MINPP1: variants seen among roughly 807,000 people sequenced by gnomAD.
The protein encoded by MINPP1 is multiple inositol polyphosphate phosphatase 1.
In MINPP1, 28 loss-of-function variants were observed where a neutral mutation model predicts 46.1. The observed-to-expected ratio is 0.61, with a 90% CI of 0.45 to 0.83. The LOEUF (loss-of-function observed/expected upper bound fraction) is 0.83, where lower values mean the gene tolerates loss of function less well. MINPP1 is among the 40% of genes least tolerant of loss of function. MINPP1 has a pLI of 0.00. For synonymous variants in MINPP1, 268 were observed against 249.1 expected (o/e 1.08, Z -0.72); for missense variants, 603 against 610.0 (o/e 0.99, Z 0.12).
rs1851262826 is a variant in MINPP1 at position 87,507,069 on chromosome 10, T to C, written c.638-1267T>C. On this transcript the variant is annotated intron_variant, in intron 1 of 4. Coordinates refer to ENST00000371996, the MANE Select transcript of MINPP1 (RefSeq NM_004897.5). ...GTGAATTTTTGTTCTCAGATGGCATTGCGAAGACTGGCATTTGACTCTCAG... is the reference window on the plus strand; with the variant it reads ...GTGAATTTTTGTTCTCAGATGGCATCGCGAAGACTGGCATTTGACTCTCAG... Among the ~76,000 whole-genome samples, 3 of 152,340 alleles carry C rather than the reference T, an allele frequency of 2.0e-5. No homozygotes were observed. In the South Asian group the frequency reaches 6.2e-4, roughly 32 times the overall value.
At chr10:87,538,479 G>C (rs909751057) in intron 4 of MINPP1, among the ~76,000 whole-genome samples, 2 of 152,162 alleles carry the variant, frequency 1.3e-5, no homozygotes, top group African/African-American at 4.8e-5. Context: ...GTACTTTAAG[G>C]TAGGACAGTA....
chr10:87,539,334 T>G (rs1362580945), intron 4 of MINPP1, among the ~76,000 whole-genome samples: 1 of 152,218 alleles, frequency 6.6e-6, no homozygotes, highest in Non-Finnish European at 1.5e-5. Context: ...AATGCATTTT[T>G]ATCAAGGAGA....
intron 4 of MINPP1, among the ~76,000 whole-genome samples, chr10:87,548,429 A>G (rs1744722405): frequency 6.6e-6 from 1 of 152,178 alleles, no homozygotes; most frequent in Non-Finnish European, 1.5e-5. Flanking sequence ...TCTTTTGAAA[A>G]GTCTCTTCTT....
intron 4 of MINPP1, among the ~76,000 whole-genome samples, chr10:87,531,416 T>C (rs764855491): frequency 1.3e-5 from 2 of 152,236 alleles, no homozygotes; most frequent in Non-Finnish European, 2.9e-5. Flanking sequence ...ACTCCATTTT[T>C]GGTAGCTAGT....
rs150025134 is a variant in MINPP1 at position 87,506,070 on chromosome 10, C to T, written c.637+518C>T. 5.4e-5 allele frequency among the ~76,000 whole-genome samples: 8 copies of T among 149,146 alleles called. No homozygotes were observed. The East Asian group carries it at 1.4e-3, about 26-fold the overall frequency. ...ATCTTTTTCAGATGACAGTTTTAGA[C>T]CTACACCCTGTTTTAGGAACCTGAT... On this transcript the variant is annotated intron_variant, in intron 1 of 4. Transcript: ENST00000371996.
chr10:87,507,853 T>C, intron 1 of MINPP1: 1 of 1,060,590 alleles, frequency 9.4e-7, no homozygotes, highest in East Asian at 7.9e-5. Context: ...CTGCTGTCAG[T>C]AGTTTTTGTC....
chr10:87,511,602 G>A lies in MINPP1; in HGVS notation c.836-1522G>A, dbSNP rs187191987. Among the ~76,000 whole-genome samples the A allele has an allele frequency of 5.9e-5, 9 of 152,314 alleles. No individual in the cohort carries two copies. The East Asian group carries it at 1.7e-3, about 29-fold the overall frequency. Reference sequence around the variant, plus strand: ...TGTATCTAACCTCTTTACTTTGTAAGTGGGGAAATTGACACTAAAGAGAGC... The same window carrying A: ...TGTATCTAACCTCTTTACTTTGTAAATGGGGAAATTGACACTAAAGAGAGC... On this transcript the variant is annotated intron_variant, in intron 2 of 4. Coordinates refer to ENST00000371996, the MANE Select transcript of MINPP1 (RefSeq NM_004897.5).
At chr10:87,506,209 A>G (rs948999751) in intron 1 of MINPP1, among the ~76,000 whole-genome samples, 2 of 150,754 alleles carry the variant, frequency 1.3e-5, no homozygotes, top group Non-Finnish European at 3.0e-5. Flanking sequence ...CATTTATTCC[A>G]TTAATTACAC....
At position 87,521,035 on chromosome 10, in the gene MINPP1, G is replaced by T; in HGVS notation, c.934-1G>T. ...TAGAAATTATTTTTGAATTTTTTTA[G>T]GTATTAGAATATTTAAATGATCTGA... On this transcript the variant is annotated splice_acceptor_variant, in intron 3 of 4. Coordinates refer to ENST00000371996, the MANE Select transcript of MINPP1 (RefSeq NM_004897.5). LOFTEE classifies it high-confidence loss of function. 1 of 980,028 alleles carries T rather than the reference G, an allele frequency of 1.0e-6. No individual in the cohort carries two copies. Among genetic ancestry groups the T allele is most frequent in the Non-Finnish European group, 1.6e-6 (1 of 626,790 alleles). The allele number at this position is 980,028 out of a possible 1,614,324, so 60.7% of individuals were successfully genotyped here. A position where few individuals can be genotyped will look rare whatever the true frequency, so the allele number is the denominator to read the frequency against.
At chr10:87,538,192 T>C (rs1231045521) in intron 4 of MINPP1, among the ~76,000 whole-genome samples, 1 of 151,946 alleles carries the variant, frequency 6.6e-6, no homozygotes, top group Non-Finnish European at 1.5e-5. Context: ...TGCTGTTCAG[T>C]GCCAGCTGAA....
chr10:87,543,412 T>C (rs1851843819), intron 4 of MINPP1, among the ~76,000 whole-genome samples: 1 of 152,110 alleles, frequency 6.6e-6, no homozygotes, highest in South Asian at 2.1e-4. Context: ...TCCAGAACTT[T>C]GGGAGGTCAA....
chr10:87,551,090 G>A (rs966946683), intron 4 of MINPP1, among the ~76,000 whole-genome samples: 5 of 152,070 alleles, frequency 3.3e-5, no homozygotes, highest in African/African-American at 1.2e-4. Flanking sequence ...GAGGTTGGAT[G>A]CTACTTGGAG....
chr10:87,513,096 A>G (rs1417529283), intron 2 of MINPP1, 28 bp from the exon 3 acceptor site: 6 of 1,571,946 alleles, frequency 3.8e-6, no homozygotes, highest in Non-Finnish European at 5.3e-6. Context: ...ATAATGACCC[A>G]CAAAATTTTA....
At chr10:87,518,806 T>A (rs1564674669) in intron 3 of MINPP1, among the ~76,000 whole-genome samples, 1 of 152,154 alleles carries the variant, frequency 6.6e-6, no homozygotes, top group Admixed American at 6.5e-5. Context: ...TTACAAAGGA[T>A]ACAGATGAAG....
chr10:87,517,068 A>T (rs1189154326), intron 3 of MINPP1, among the ~76,000 whole-genome samples: 1 of 152,130 alleles, frequency 6.6e-6, no homozygotes, highest in Non-Finnish European at 1.5e-5. Context: ...TTCAGAGGGC[A>T]GAGGATGGGA....
At chr10:87,509,372 G>T (rs937479840) in intron 2 of MINPP1, among the ~76,000 whole-genome samples, 1 of 152,160 alleles carries the variant, frequency 6.6e-6, no homozygotes, top group African/African-American at 2.4e-5. Context: ...AAAAGAAGAT[G>T]CCTAGACTAG....
At chr10:87,509,485 C>T (rs1359726463) in intron 2 of MINPP1, among the ~76,000 whole-genome samples, 4 of 152,120 alleles carry the variant, frequency 2.6e-5, no homozygotes, top group African/African-American at 4.8e-5. Flanking sequence ...AATTCAAACA[C>T]GAAGATAACA....
chr10:87,540,039 T>G (rs1483966567), intron 4 of MINPP1, among the ~76,000 whole-genome samples: 1 of 152,210 alleles, frequency 6.6e-6, no homozygotes, highest in Non-Finnish European at 1.5e-5. Context: ...GCTAATTTTG[T>G]GGGGAGTTTT....
chr10:87,542,652 T>G (rs1851832482), intron 4 of MINPP1, among the ~76,000 whole-genome samples: 1 of 152,164 alleles, frequency 6.6e-6, no homozygotes, highest in Admixed American at 6.6e-5. Flanking sequence ...ATGTGAAACC[T>G]GCTTCCCCCT....
Sources: allele counts gnomAD v4.1 joint callset (sites outside exome capture counted in the v4.1 genomes callset), GRCh38; gene constraint gnomAD v4.1.1; transcripts MANE v1.5; gene names NCBI Gene and HGNC (gene_info 2026-07-23, HGNC 2026-07-21).